The following C19orf12 variants were observed in gnomAD, a reference collection of about 807,000 sequenced individuals.
C19orf12 encodes the protein chromosome 19 open reading frame 12.
C19orf12 carries 2 observed loss-of-function variants against 3.8 expected under a neutral mutation model. The observed-to-expected ratio is 0.53, with a 90% CI of 0.22 to 1.66. The LOEUF (loss-of-function observed/expected upper bound fraction) is 1.66. Ranked by LOEUF, C19orf12 falls within the 40% of genes most tolerant of loss-of-function variation. The probability of loss-of-function intolerance (pLI) is 0.20; values close to 1 mark genes in which losing one functional copy is unlikely to be tolerated. For missense variants in C19orf12, 156 were observed against 188.8 expected (o/e 0.83, Z 1.02); for synonymous variants, 89 against 84.6 (o/e 1.05, Z -0.28).
chr19:29,715,448 G>A (rs1247326892), upstream of C19orf12: 1 of 402,386 alleles, frequency 2.5e-6, no homozygotes, highest in Non-Finnish European at 5.0e-6. Flanking sequence ...TGCGGGTGGC[G>A]TAAGGAGACG....
intron 2 of C19orf12, among the ~76,000 whole-genome samples, chr19:29,704,063 C>A (rs1972254571): frequency 6.6e-6 from 1 of 152,180 alleles, no homozygotes; most frequent in Non-Finnish European, 1.5e-5. Context: ...TGCCCCTGAA[C>A]TTAGAAAATC....
intron 2 of C19orf12, among the ~76,000 whole-genome samples, chr19:29,707,650 G>A (rs1022493862): frequency 2.0e-5 from 3 of 152,156 alleles, no homozygotes; most frequent in Non-Finnish European, 4.4e-5. Flanking sequence ...AGCACTGGGG[G>A]AAAGATGCCT....
chr19:29,699,178 C>T lies in C19orf12; in HGVS notation c.*3534G>A. ...AGAAGGCAAGTACGTTAGAAATATA[C>T]ATACATAGGCCGGGCGCAGTGGCTC... On this transcript the variant is annotated 3_prime_UTR_variant, in exon 3 of 3. Transcript: ENST00000323670. The T allele has an allele frequency of 2.2e-6, 1 of 453,828 alleles. No homozygotes were observed. Among genetic ancestry groups the T allele is most frequent in the South Asian group, 1.6e-5 (1 of 64,466 alleles). 28.1% of individuals were successfully genotyped at this position (453,828 alleles called of 1,614,324 possible).
Position 29,701,642 on chromosome 19 carries a change from G to A in C19orf12, c.*1070C>T, listed in dbSNP as rs993860580. On this transcript the variant is annotated 3_prime_UTR_variant, in exon 3 of 3. Transcript: ENST00000323670. ...AGATGGTTTATATCACACCACTTCA[G>A]AAAGAGCAATACAGGCATACCTCAT... is the stretch of plus-strand genomic sequence containing the variant. 18 of 453,742 alleles carry A rather than the reference G, an allele frequency of 4.0e-5. No individual in the cohort carries two copies. Among genetic ancestry groups the A allele is most frequent in the Non-Finnish European group, 7.5e-5 (17 of 226,770 alleles). 28.1% of individuals were successfully genotyped at this position (453,742 alleles called of 1,614,324 possible). A position where few individuals can be genotyped will look rare whatever the true frequency, so the allele number is the denominator to read the frequency against.
In C19orf12 at chr19:29,701,320, T is replaced by C. The variant is rs763667687; in HGVS notation, c.*1392A>G. ...ACACCGACATCTGAGGATGCTCAAG[T>C]CCCTGATGGGCAATGGCATAGCGTT... On this transcript the variant is annotated 3_prime_UTR_variant, in exon 3 of 3. Coordinates refer to ENST00000323670, the MANE Select transcript of C19orf12 (RefSeq NM_031448.6). 1.5e-5 allele frequency: 7 copies of C among 454,014 alleles called. No homozygotes were observed. The highest frequency in any genetic ancestry group is 1.1e-4 in the South Asian group (7 of 64,482). The allele number at this position is 454,014 out of a possible 1,614,324, so 28.1% of individuals were successfully genotyped here. A position where few individuals can be genotyped will look rare whatever the true frequency, so the allele number is the denominator to read the frequency against.
chr19:29,701,274 G>C lies in C19orf12; in HGVS notation c.*1438C>G. ...AGTATCCATGGGGGATGGGTTCCAG[G>C]ACTGCAACCTCAACCCTCAGACACC... is the stretch of plus-strand genomic sequence containing the variant. On this transcript the variant is annotated 3_prime_UTR_variant, in exon 3 of 3. Transcript: ENST00000323670. The C allele has an allele frequency of 2.2e-6, 1 of 454,076 alleles. No homozygotes were observed. The highest frequency in any genetic ancestry group is 2.3e-5 in the Admixed American group (1 of 42,564). The allele number at this position is 454,076 out of a possible 1,614,324, so 28.1% of individuals were successfully genotyped here.
Position 29,699,116 on chromosome 19 carries a change from T to C in C19orf12, c.*3596A>G. On this transcript the variant is annotated 3_prime_UTR_variant, in exon 3 of 3. Transcript: ENST00000323670. ...ATTACATCAAAAATATTATTTAACA[T>C]TCATTGATACAGGTGTTCAAAGGGG... 2 of 453,890 alleles carry C rather than the reference T, an allele frequency of 4.4e-6. No individual in the cohort carries two copies. The highest frequency in any genetic ancestry group is 3.1e-5 in the South Asian group (2 of 64,454). The allele number at this position is 453,890 out of a possible 1,614,324, so 28.1% of individuals were successfully genotyped here. A position where few individuals can be genotyped will look rare whatever the true frequency, so the allele number is the denominator to read the frequency against.
Position 29,702,234 on chromosome 19 carries a change from G to C in C19orf12, c.*478C>G, listed in dbSNP as rs1290389482. On this transcript the variant is annotated 3_prime_UTR_variant, in exon 3 of 3. Coordinates refer to ENST00000323670, the MANE Select transcript of C19orf12 (RefSeq NM_031448.6). ...GCACTAGGAGGTAAACATGATTCCA[G>C]CATGGGCTGCTCCAAGGCCCTGAGA... 2.2e-6 allele frequency: 1 copy of C among 454,976 alleles called. No individual in the cohort carries two copies. Among genetic ancestry groups the C allele is most frequent in the Non-Finnish European group, 4.4e-6 (1 of 227,406 alleles). The allele number at this position is 454,976 out of a possible 1,614,324, so 28.2% of individuals were successfully genotyped here.
chr19:29,703,308 C>A (rs1972211170), intron 2 of C19orf12, among the ~76,000 whole-genome samples: 2 of 151,870 alleles, frequency 1.3e-5, no homozygotes, highest in Non-Finnish European at 2.9e-5. Context: ...GGTTTCTGGG[C>A]TTACTGTAAA....
chr19:29,714,984 C>G (rs751664561), intron 1 of C19orf12, 141 bp downstream of exon 1: 36 of 713,968 alleles, frequency 5.0e-5, no homozygotes, highest in African/African-American at 1.8e-5. Flanking sequence ...ACCCCGGCAC[C>G]GGGAGGGCCG....
rs768063881 is a variant in C19orf12, at chr19:29,702,961, C to A, written c.177G>T (p.Gly59=). 6.2e-7 allele frequency: 1 copy of A among 1,607,520 alleles called. No homozygotes were observed. Among genetic ancestry groups the A allele is most frequent in the Non-Finnish European group, 8.5e-7 (1 of 1,174,150 alleles). ...PGLAVGGAVG[G]LLGAWMTSGQ... is the part of the protein sequence containing the mutation. ...CACTTGTCATCCAGGCACCTAACAG[C>A]CCCCCGACAGCCCCCCCTAGAAAAC... Residue 59 remains glycine (G), a synonymous_variant, in exon 3 of 3, where the codon GGG becomes GGT. Coordinates refer to ENST00000323670, the MANE Select transcript of C19orf12 (RefSeq NM_031448.6).
At chr19:29,708,912 T>C (rs547811819) in intron 1 of C19orf12, among the ~76,000 whole-genome samples, 2 of 152,304 alleles carry the variant, frequency 1.3e-5, no homozygotes, top group South Asian at 2.1e-4. Flanking sequence ...CAGTGGGCCC[T>C]GAGCAGAGGG....
intron 1 of C19orf12, among the ~76,000 whole-genome samples, chr19:29,711,027 T>C (rs1202359630): frequency 7.1e-6 from 1 of 141,086 alleles, no homozygotes; most frequent in Admixed American, 7.2e-5. Flanking sequence ...GATAGAGATA[T>C]ACAGAGAGGT....
Position 29,702,604 on chromosome 19 carries a change from G to T in C19orf12, c.*108C>A. The T allele has an allele frequency of 2.1e-6, 3 of 1,421,528 alleles. No homozygotes were observed. The highest frequency in any genetic ancestry group is 3.0e-6 in the Non-Finnish European group (3 of 1,008,200). The allele number at this position is 1,421,528 out of a possible 1,614,324, so 88.1% of individuals were successfully genotyped here. ...ACATTACTAGTAATACACTGATGAT[G>T]TGGAGATTCCCCAGGGGGCATCCGC... On this transcript the variant is annotated 3_prime_UTR_variant, in exon 3 of 3. Transcript: ENST00000323670.
In C19orf12 at chr19:29,700,210, A is replaced by C. The variant is rs1026166528; in HGVS notation, c.*2502T>G. ...GACACAGACCAGGACCTGATGCACG[A>C]GTAAGAATGAATGGGGCCCAATCGC... On this transcript the variant is annotated 3_prime_UTR_variant, in exon 3 of 3. Coordinates refer to ENST00000323670, the MANE Select transcript of C19orf12 (RefSeq NM_031448.6). 4.4e-6 allele frequency: 2 copies of C among 454,044 alleles called. No homozygotes were observed. The highest frequency in any genetic ancestry group is 8.8e-6 in the Non-Finnish European group (2 of 226,800). The allele number at this position is 454,044 out of a possible 1,614,324, so 28.1% of individuals were successfully genotyped here.
In C19orf12 at chr19:29,700,322, G is replaced by A; in HGVS notation, c.*2390C>T. 1 of 454,082 alleles carries A rather than the reference G, an allele frequency of 2.2e-6. No individual in the cohort carries two copies. The highest frequency in any genetic ancestry group is 4.4e-6 in the Non-Finnish European group (1 of 226,792). 28.1% of individuals were successfully genotyped at this position (454,082 alleles called of 1,614,324 possible). A position where few individuals can be genotyped will look rare whatever the true frequency, so the allele number is the denominator to read the frequency against. Reference sequence around the variant, plus strand: ...GAGAAGTTGGCATTTGTTCAACATGGAAAAAGTGTCCCCCAACTTTGAAGC... The same window carrying A: ...GAGAAGTTGGCATTTGTTCAACATGAAAAAAGTGTCCCCCAACTTTGAAGC... On this transcript the variant is annotated 3_prime_UTR_variant, in exon 3 of 3. Transcript: ENST00000323670.
At chr19:29,704,188 G>A (rs1018829216) in intron 2 of C19orf12, among the ~76,000 whole-genome samples, 4 of 152,188 alleles carry the variant, frequency 2.6e-5, no homozygotes, top group Admixed American at 2.0e-4. Flanking sequence ...ATAACAAACT[G>A]GCCGGGCGCA....
upstream of C19orf12, chr19:29,715,305 G>C: frequency 2.5e-6 from 1 of 393,604 alleles, no homozygotes; most frequent in Non-Finnish European, 5.0e-6. Flanking sequence ...CGGGCCTTCC[G>C]GGAAGCCACG....
chr19:29,701,873 A>G lies in C19orf12; in HGVS notation c.*839T>C, dbSNP rs1373534816. 1 of 454,054 alleles carries G rather than the reference A, an allele frequency of 2.2e-6. No homozygotes were observed. Among genetic ancestry groups the G allele is most frequent in the Non-Finnish European group, 4.4e-6 (1 of 226,810 alleles). 28.1% of individuals were successfully genotyped at this position (454,054 alleles called of 1,614,324 possible). A position where few individuals can be genotyped will look rare whatever the true frequency, so the allele number is the denominator to read the frequency against. On this transcript the variant is annotated 3_prime_UTR_variant, in exon 3 of 3. Transcript: ENST00000323670. ...GCTATTGCACATTTAGTGGACTGCA[A>G]TATGCAGTAAACATGACTTAGATGC...
Sources: gnomAD v4.1 joint callset for allele counts (sites outside exome capture counted in the v4.1 genomes callset) on GRCh38, gnomAD v4.1.1 for gene constraint, MANE v1.5 for transcripts, NCBI Gene and HGNC (gene_info 2026-07-23, HGNC 2026-07-21) for gene names.